WWOX: variants seen among roughly 807,000 people sequenced by gnomAD.
WWOX encodes the protein WW domain containing oxidoreductase, also known as WW domain-containing oxidoreductase.
Under a neutral mutation model 46.2 loss-of-function variants are expected in WWOX, and 69 were observed. The ratio of observed to expected loss-of-function variants is 1.49; its 90% CI spans 1.23 to 1.82. The LOEUF (loss-of-function observed/expected upper bound fraction) is 1.82, where lower values mean the gene tolerates loss of function less well. Ranked by LOEUF, WWOX falls within the 40% of genes most tolerant of loss-of-function variation. WWOX has a pLI of 0.00. For missense variants in WWOX, 919 were observed against 542.6 expected (o/e 1.69, Z -6.89); for synonymous variants, 359 against 202.6 (o/e 1.77, Z -6.56).
intron 8 of WWOX, among the ~76,000 whole-genome samples, chr16:79,129,964 G>A (rs553189768): frequency 9.2e-5 from 14 of 152,246 alleles, no homozygotes; most frequent in East Asian, 5.8e-4. Flanking sequence ...TTAAGTCTCC[G>A]TTTCCTCATC....
intron 8 of WWOX, chr16:79,205,129 G>C (rs546205755): frequency 6.6e-6 from 1 of 152,208 alleles, no homozygotes; most frequent in Non-Finnish European, 1.5e-5. Context: ...CTGTGAGCAC[G>C]TGCCTGTCAT....
chr16:78,595,180 G>C (rs150944274), intron 8 of WWOX, among the ~76,000 whole-genome samples: 2 of 152,340 alleles, frequency 1.3e-5, no homozygotes, highest in African/African-American at 4.8e-5. Context: ...CTTCATTGCA[G>C]GCAGCTGCTG....
chr16:78,750,109 A>G (rs1342388495), intron 8 of WWOX, among the ~76,000 whole-genome samples: 1 of 152,240 alleles, frequency 6.6e-6, no homozygotes, highest in Non-Finnish European at 1.5e-5. Flanking sequence ...CACCTTAAAA[A>G]CAAGGAAGAA....
At chr16:79,159,514 G>A (rs1055891715) in intron 8 of WWOX, among the ~76,000 whole-genome samples, 2 of 152,068 alleles carry the variant, frequency 1.3e-5, no homozygotes, top group African/African-American at 4.8e-5. Context: ...GATTATATTT[G>A]AGACTTGTAC....
At chr16:78,666,730 C>G (rs530406325) in intron 8 of WWOX, among the ~76,000 whole-genome samples, 103 of 152,298 alleles carry the variant, frequency 6.8e-4, no homozygotes, top group African/African-American at 2.4e-3. Context: ...GTTCCATCTG[C>G]CTCTTTCCTA....
intron 8 of WWOX, among the ~76,000 whole-genome samples, chr16:78,472,312 G>A (rs968600099): frequency 6.6e-6 from 1 of 152,082 alleles, no homozygotes; most frequent in Admixed American, 6.6e-5. Flanking sequence ...TAAGCCAAAT[G>A]CTGCATATTC....
intron 8 of WWOX, among the ~76,000 whole-genome samples, chr16:78,513,079 C>G (rs577959489): frequency 1.3e-5 from 2 of 152,158 alleles, no homozygotes. Context: ...ACGTAATGAA[C>G]ATGTGCCTTT....
chr16:78,459,635 C>T (rs561163486), intron 8 of WWOX, among the ~76,000 whole-genome samples: 9 of 152,104 alleles, frequency 5.9e-5, no homozygotes, highest in Non-Finnish European at 1.3e-4. Flanking sequence ...TTGCGTGTGC[C>T]ATTATTATAG....
chr16:78,937,582 A>G (rs1347735989), intron 8 of WWOX, among the ~76,000 whole-genome samples: 1 of 147,664 alleles, frequency 6.8e-6, no homozygotes. Flanking sequence ...GGCATCTGCC[A>G]CCGTGCCCAG....
At chr16:78,466,700 T>G (rs1200587479) in intron 8 of WWOX, among the ~76,000 whole-genome samples, 3 of 152,046 alleles carry the variant, frequency 2.0e-5, no homozygotes, top group African/African-American at 7.2e-5. Flanking sequence ...ATACAAAAAT[T>G]AGCCAGGCTT....
intron 8 of WWOX, among the ~76,000 whole-genome samples, chr16:78,694,038 C>G (rs140547337): frequency 0.012 from 1,849 of 152,146 alleles, 40 homozygotes; most frequent in African/African-American, 0.042. Flanking sequence ...TCAAGACCAG[C>G]CTGGCCAACA....
chr16:78,783,221 T>A (rs764169035), intron 8 of WWOX, among the ~76,000 whole-genome samples: 14 of 152,218 alleles, frequency 9.2e-5, no homozygotes, highest in Non-Finnish European at 2.1e-4. Context: ...AGACTTGACT[T>A]AACTGTTCTC....
chr16:78,203,362 A>T (rs1351893701), intron 5 of WWOX, among the ~76,000 whole-genome samples: 6 of 152,320 alleles, frequency 3.9e-5, no homozygotes, highest in African/African-American at 9.6e-5. Flanking sequence ...AGCAAGTTTA[A>T]TGATGGGTAG....
chr16:79,126,788 A>C (rs1205975478), intron 8 of WWOX, among the ~76,000 whole-genome samples: 4 of 151,978 alleles, frequency 2.6e-5, no homozygotes, highest in Non-Finnish European at 5.9e-5. Flanking sequence ...ATAAATTTAG[A>C]CTCCATGCAG....
chr16:78,590,296 G>A (rs1160586225), intron 8 of WWOX, among the ~76,000 whole-genome samples: 2 of 152,150 alleles, frequency 1.3e-5, no homozygotes, highest in Admixed American at 1.3e-4. Flanking sequence ...CCTTCAAAAA[G>A]GCACCACGTT....
At chr16:78,593,864 C>A (rs1421686521) in intron 8 of WWOX, among the ~76,000 whole-genome samples, 1 of 152,128 alleles carries the variant, frequency 6.6e-6, no homozygotes, top group Non-Finnish European at 1.5e-5. Flanking sequence ...CTGGGCCATA[C>A]ATTTGTAAGC....
chr16:78,913,380 G>A (rs541009141), intron 8 of WWOX, among the ~76,000 whole-genome samples: 1 of 151,980 alleles, frequency 6.6e-6, no homozygotes, highest in African/African-American at 2.4e-5. Context: ...ATGGACTGTT[G>A]GAAGACGAGA....
chr16:79,154,901 G>A (rs1480744960), intron 8 of WWOX, among the ~76,000 whole-genome samples: 3 of 152,088 alleles, frequency 2.0e-5, no homozygotes, highest in Non-Finnish European at 2.9e-5. Flanking sequence ...TACATATCAT[G>A]GTTTTGGAAA....
intron 5 of WWOX, among the ~76,000 whole-genome samples, chr16:78,317,072 A>T (rs1567496313): frequency 6.6e-6 from 1 of 152,200 alleles, no homozygotes; most frequent in Non-Finnish European, 1.5e-5. Flanking sequence ...GTGGTGGGAT[A>T]AGGGATCCAT....
Sources: allele counts gnomAD v4.1 joint callset (sites outside exome capture counted in the v4.1 genomes callset), GRCh38; gene constraint gnomAD v4.1.1; transcripts MANE v1.5; gene names NCBI Gene and HGNC (gene_info 2026-07-23, HGNC 2026-07-21).